CCDC148: variants seen among roughly 807,000 people sequenced by gnomAD.
The protein encoded by CCDC148 is coiled-coil domain containing 148, also known as coiled-coil domain-containing protein 148.
Under a neutral mutation model 85.7 loss-of-function variants are expected in CCDC148, and 89 were observed. The observed-to-expected ratio is 1.04, with a 90% CI of 0.87 to 1.24. The LOEUF is 1.24. Among genes scored for constraint, CCDC148 ranks in the 50% most tolerant of loss-of-function variants. The pLI is 0.00. For missense variants in CCDC148, 692 were observed against 671.7 expected (o/e 1.03, Z -0.33); for synonymous variants, 230 against 213.9 (o/e 1.08, Z -0.66).
chr2:158,438,933 C>G (rs895532463), intron 1 of CCDC148, among the ~76,000 whole-genome samples: 1 of 152,182 alleles, frequency 6.6e-6, no homozygotes, highest in East Asian at 1.9e-4. Context: ...GAGATACCAT[C>G]TCATACTAGT....
intron 9 of CCDC148, among the ~76,000 whole-genome samples, chr2:158,270,410 C>T (rs1414489880): frequency 1.3e-5 from 2 of 152,142 alleles, no homozygotes; most frequent in Non-Finnish European, 2.9e-5. Context: ...ATTTAGGACA[C>T]AAGCAAATAG....
At chr2:158,411,504 T>C (rs1053805051) in intron 1 of CCDC148, among the ~76,000 whole-genome samples, 2 of 152,116 alleles carry the variant, frequency 1.3e-5, no homozygotes, top group Non-Finnish European at 2.9e-5. Context: ...TTCATTACAT[T>C]GTTTAGTTCT....
chr2:158,246,800 C>T (rs1246525109), intron 10 of CCDC148, among the ~76,000 whole-genome samples: 1 of 152,156 alleles, frequency 6.6e-6, no homozygotes, highest in Non-Finnish European at 1.5e-5. Context: ...AACCCCAGAC[C>T]AGTGCTGTGC....
At chr2:158,455,943 A>C (rs1246322444) in intron 1 of CCDC148, among the ~76,000 whole-genome samples, 1 of 152,228 alleles carries the variant, frequency 6.6e-6, no homozygotes, top group African/African-American at 2.4e-5. Context: ...GAAAATAGAA[A>C]ACAAAATCCA....
intron 3 of CCDC148, among the ~76,000 whole-genome samples, chr2:158,342,769 T>C (rs1039046597): frequency 3.3e-5 from 5 of 152,122 alleles, no homozygotes; most frequent in Admixed American, 1.3e-4. Flanking sequence ...TAATACATCA[T>C]CTGGGCAAAC....
At chr2:158,197,264 GT>G (rs988722539) in intron 11 of CCDC148, among the ~76,000 whole-genome samples, 42 of 152,016 alleles carry the variant, frequency 2.8e-4, no homozygotes, top group African/African-American at 9.2e-4. Flanking sequence ...TTCTCCTAAA[GT>G]TTTTTTTAAT....
intron 11 of CCDC148, among the ~76,000 whole-genome samples, chr2:158,204,591 C>T (rs1404601614): frequency 6.6e-6 from 1 of 152,132 alleles, no homozygotes; most frequent in Non-Finnish European, 1.5e-5. Flanking sequence ...CCCCAGCTTT[C>T]TAGTCATCTC....
intron 11 of CCDC148, among the ~76,000 whole-genome samples, chr2:158,197,936 A>G (rs1012435184): frequency 6.6e-6 from 1 of 152,164 alleles, no homozygotes; most frequent in Non-Finnish European, 1.5e-5. Flanking sequence ...GAATTAATCA[A>G]TTAATTCAAA....
At chr2:158,402,504 G>C (rs1685827103) in intron 1 of CCDC148, among the ~76,000 whole-genome samples, 1 of 151,886 alleles carries the variant, frequency 6.6e-6, no homozygotes, top group Non-Finnish European at 1.5e-5. Flanking sequence ...GAGGTGTCAG[G>C]TATGGGATCA....
Position 158,269,617 on chromosome 2 carries a change from C to T in CCDC148, c.1111-18705G>A, listed in dbSNP as rs141841641. On this transcript the variant is annotated intron_variant, in intron 9 of 13. Coordinates refer to ENST00000283233, the MANE Select transcript of CCDC148 (RefSeq NM_138803.4). ...TACATGTTTCTCTCTTCCACCCCTTCCCCTTGGAAGAATAGTTATAAGGCA... is the reference window on the plus strand; with the variant it reads ...TACATGTTTCTCTCTTCCACCCCTTTCCCTTGGAAGAATAGTTATAAGGCA... Among the ~76,000 whole-genome samples the T allele has an allele frequency of 7.2e-3, 1,102 of 152,268 alleles. 9 individuals are homozygous for T. The highest frequency in any genetic ancestry group is 0.021 in the African/African-American group (864 of 41,566).
At chr2:158,380,667 A>G (rs1684833332) in intron 1 of CCDC148, among the ~76,000 whole-genome samples, 1 of 152,202 alleles carries the variant, frequency 6.6e-6, no homozygotes. Context: ...TAGCCAAGAG[A>G]ATCTTGATGA....
chr2:158,418,241 T>C (rs957524943), intron 1 of CCDC148, among the ~76,000 whole-genome samples: 3 of 152,068 alleles, frequency 2.0e-5, no homozygotes, highest in African/African-American at 7.2e-5. Flanking sequence ...ATCTCTACAA[T>C]GAAGGGGTTG....
intron 11 of CCDC148, among the ~76,000 whole-genome samples, chr2:158,189,580 GATA>G (rs1685321224): frequency 6.6e-6 from 1 of 151,888 alleles, no homozygotes; most frequent in Admixed American, 6.6e-5. Context: ...GAATATTTAT[GATA>G]ATATGGTGGA....
chr2:158,222,500 A>G (rs1375869210), intron 10 of CCDC148, among the ~76,000 whole-genome samples: 1 of 151,126 alleles, frequency 6.6e-6, no homozygotes, highest in African/African-American at 2.4e-5. Flanking sequence ...AATCCTTTTC[A>G]GTGCTTTCCA....
rs1027483890 is a variant in CCDC148 at position 158,354,879 on chromosome 2, C to G, written c.147+3570G>C. Among the ~76,000 whole-genome samples, 702 of 151,680 alleles carry G rather than the reference C, an allele frequency of 4.6e-3. 1 individual carries two copies. Among genetic ancestry groups the G allele is most frequent in the African/African-American group, 0.016 (642 of 41,372 alleles). Reference sequence around the variant, plus strand: ...GCAGCACATCAAAAAGCTTATCCACCATGATCAAGTGGGCATCATCCCTGG... The same window carrying G: ...GCAGCACATCAAAAAGCTTATCCACGATGATCAAGTGGGCATCATCCCTGG... On this transcript the variant is annotated intron_variant, in intron 2 of 13. Transcript: ENST00000283233.
intron 7 of CCDC148, among the ~76,000 whole-genome samples, chr2:158,329,490 T>C (rs7594962): frequency 0.17 from 25,176 of 151,474 alleles, 3,344 homozygotes; most frequent in African/African-American, 0.37. Context: ...CTTGGCGATG[T>C]GGGCTCTTTT....
At chr2:158,251,704 C>T (rs1267853795) in intron 9 of CCDC148, among the ~76,000 whole-genome samples, 2 of 151,826 alleles carry the variant, frequency 1.3e-5, no homozygotes, top group East Asian at 3.9e-4. Flanking sequence ...AAAGAGGATG[C>T]CATAACTCCA....
chr2:158,441,713 C>G (rs1338008022), intron 1 of CCDC148, among the ~76,000 whole-genome samples: 1 of 152,002 alleles, frequency 6.6e-6, no homozygotes, highest in Non-Finnish European at 1.5e-5. Flanking sequence ...TACTTATTAG[C>G]CTTTTGTCAA....
chr2:158,192,016 A>G (rs1283787345), intron 11 of CCDC148, among the ~76,000 whole-genome samples: 1 of 152,070 alleles, frequency 6.6e-6, no homozygotes, highest in Non-Finnish European at 1.5e-5. Context: ...CACTCAGACA[A>G]TAAAGTCAAA....
Sources: gnomAD v4.1 joint callset for allele counts (sites outside exome capture counted in the v4.1 genomes callset) on GRCh38, gnomAD v4.1.1 for gene constraint, MANE v1.5 for transcripts, NCBI Gene and HGNC (gene_info 2026-07-23, HGNC 2026-07-21) for gene names.